Variants in CIRSR observed in about 807,000 individuals in gnomAD.
CIRSR encodes the protein CBF1 (RBPJ) interacting corepressor 1.
chr2:174,376,234 T>A, the CIRSR span, among the ~76,000 whole-genome samples: 1 of 152,180 alleles, frequency 6.6e-6, no homozygotes, highest in Non-Finnish European at 1.5e-5. Flanking sequence ...AAAGGTAATG[T>A]TCTCATCTTC....
chr2:174,374,196 T>C, the CIRSR span, among the ~76,000 whole-genome samples: 17,960 of 152,322 alleles, frequency 0.12, 1,440 homozygotes, highest in Non-Finnish European at 0.18. Flanking sequence ...AAGTTAAATC[T>C]TCTGTGCTTA....
chr2:174,359,536 C>T, the CIRSR span, among the ~76,000 whole-genome samples: 8 of 151,946 alleles, frequency 5.3e-5, no homozygotes, highest in East Asian at 5.8e-4. Context: ...GTTAGAATGG[C>T]GATCATTAAA....
chr2:174,356,854 C>T, the CIRSR span, among the ~76,000 whole-genome samples: 1 of 152,108 alleles, frequency 6.6e-6, no homozygotes, highest in Non-Finnish European at 1.5e-5. Context: ...TGCAAACCTA[C>T]ATCACATAGC....
the CIRSR span, among the ~76,000 whole-genome samples, chr2:174,362,698 A>AG: frequency 2.2e-5 from 2 of 90,862 alleles, no homozygotes; most frequent in African/African-American, 5.5e-5. Flanking sequence ...AAAAAAAAAA[A>AG]AAAAAAAAAA....
the CIRSR span, among the ~76,000 whole-genome samples, chr2:174,385,732 T>C: frequency 6.6e-6 from 1 of 151,954 alleles, no homozygotes; most frequent in African/African-American, 2.4e-5. Context: ...AGAAAATAAG[T>C]AACAATAGTA....
At chr2:174,350,872 T>C in the CIRSR span, 3 of 698,920 alleles carry the variant, frequency 4.3e-6, no homozygotes, top group East Asian at 8.9e-5. Flanking sequence ...ATATTTTGGA[T>C]TGGGAAGTGG....
chr2:174,391,614 T>C, the CIRSR span, among the ~76,000 whole-genome samples: 1 of 151,874 alleles, frequency 6.6e-6, no homozygotes. Flanking sequence ...TAAATAAATC[T>C]GAGGTGGGAG....
At chr2:174,377,761 G>C in the CIRSR span, among the ~76,000 whole-genome samples, 477 of 135,212 alleles carry the variant, frequency 3.5e-3, 5 homozygotes, top group African/African-American at 0.013. Context: ...GAAATTGGAG[G>C]TTGCAGTGAG....
the CIRSR span, chr2:174,395,494 A>G: frequency 6.6e-7 from 1 of 1,519,164 alleles, no homozygotes; most frequent in Non-Finnish European, 9.1e-7. Flanking sequence ...CACTTCCAGC[A>G]GCCTCTGGGA....
At chr2:174,387,869 A>G in the CIRSR span, 1 of 1,183,614 alleles carries the variant, frequency 8.4e-7, no homozygotes, top group South Asian at 1.6e-5. Flanking sequence ...ATAAAATGCA[A>G]TTGTTTAAAG....
the CIRSR span, chr2:174,358,278 C>T: frequency 2.0e-5 from 3 of 152,088 alleles, no homozygotes; most frequent in Admixed American, 6.5e-5. Flanking sequence ...CTTGCTCTAT[C>T]GCCCAGGCTG....
chr2:174,358,932 G>A, the CIRSR span, among the ~76,000 whole-genome samples: 13 of 152,050 alleles, frequency 8.5e-5, no homozygotes, highest in African/African-American at 2.2e-4. Flanking sequence ...GGCTGGTCTC[G>A]AACTCCTGAT....
chr2:174,393,546 T>G, the CIRSR span, among the ~76,000 whole-genome samples: 1 of 152,176 alleles, frequency 6.6e-6, no homozygotes, highest in Non-Finnish European at 1.5e-5. Flanking sequence ...GGGTCTCACT[T>G]TGTTGCCTAT....
chr2:174,387,800 T>A, the CIRSR span: 2 of 1,546,316 alleles, frequency 1.3e-6, no homozygotes, highest in East Asian at 4.6e-5. Flanking sequence ...GAAGTAAAAA[T>A]GCAAATTAAA....
chr2:174,350,601 G>C, the CIRSR span: 1 of 1,092,236 alleles, frequency 9.2e-7, no homozygotes, highest in Non-Finnish European at 1.3e-6. Context: ...AGTTGAATAC[G>C]ATACTGAGAT....
At chr2:174,383,735 A>T in the CIRSR span, among the ~76,000 whole-genome samples, 1 of 151,704 alleles carries the variant, frequency 6.6e-6, no homozygotes, top group Non-Finnish European at 1.5e-5. Flanking sequence ...AAAAAAAAAA[A>T]AAAAATCAAA....
chr2:174,352,353 G>T, the CIRSR span, among the ~76,000 whole-genome samples: 49 of 152,108 alleles, frequency 3.2e-4, no homozygotes, highest in Admixed American at 1.3e-4. Flanking sequence ...CTGGCTATTG[G>T]TATGTATGTT....
the CIRSR span, chr2:174,348,688 G>T: frequency 5.6e-6 from 9 of 1,614,054 alleles, no homozygotes; most frequent in Non-Finnish European, 7.6e-6. Context: ...CGGCTTCTCC[G>T]GCTCCTTTCC....
At chr2:174,375,763 A>G in the CIRSR span, among the ~76,000 whole-genome samples, 1 of 151,608 alleles carries the variant, frequency 6.6e-6, no homozygotes, top group Non-Finnish European at 1.5e-5. Context: ...AAATATTTTC[A>G]TATGTTTAAT....
Sources: gnomAD v4.1 joint callset for allele counts (sites outside exome capture counted in the v4.1 genomes callset) on GRCh38, gnomAD v4.1.1 for gene constraint, MANE v1.5 for transcripts, NCBI Gene and HGNC (gene_info 2026-07-23, HGNC 2026-07-21) for gene names.